The following ACSF2 variants were observed in gnomAD, a reference collection of about 807,000 sequenced individuals.
ACSF2 encodes the protein acyl-CoA synthetase family member 2.
In ACSF2, 52 loss-of-function variants were observed where a neutral mutation model predicts 79.3. The observed-to-expected ratio is 0.66, with a 90% CI of 0.53 to 0.83. ACSF2 has a LOEUF of 0.83. Among genes scored for constraint, ACSF2 ranks in the 40% least tolerant of loss-of-function variants. The pLI is 0.00. For missense variants in ACSF2, 661 were observed against 803.3 expected (o/e 0.82, Z 2.14); for synonymous variants, 283 against 312.6 (o/e 0.91, Z 1.00).
At chr17:50,452,490 A>G (rs1269775216) in intron 1 of ACSF2, among the ~76,000 whole-genome samples, 1 of 151,824 alleles carries the variant, frequency 6.6e-6, no homozygotes, top group Admixed American at 6.6e-5. Flanking sequence ...AACAAAACGA[A>G]AAAATAGAAA....
chr17:50,428,489 T>TAAATAA (rs148513290), intron 1 of ACSF2, among the ~76,000 whole-genome samples: 82,891 of 146,082 alleles, frequency 0.57, 23,474 homozygotes, highest in Middle Eastern at 0.7. Context: ...CAAAAATAAA[T>TAAATAA]AAATAAAAAT....
intron 1 of ACSF2, among the ~76,000 whole-genome samples, chr17:50,457,451 C>G (rs1354682987): frequency 6.6e-6 from 1 of 152,174 alleles, no homozygotes; most frequent in Non-Finnish European, 1.5e-5. Flanking sequence ...GACCAGTTTT[C>G]CACTCTAGAC....
chr17:50,471,332 A>G lies in ACSF2; in HGVS notation c.1323+197A>G, dbSNP rs897047428. 3.5e-6 allele frequency: 2 copies of G among 564,668 alleles called. No homozygotes were observed. The highest frequency in any genetic ancestry group is 3.8e-5 in the African/African-American group (2 of 53,102). 35.0% of individuals were successfully genotyped at this position (564,668 alleles called of 1,614,324 possible). ...TAAGCATGAAAGGGGAAGAGCTGGA[A>G]CAGTGGCTGTGAGCGGCTGCCAGCT... On this transcript the variant is annotated intron_variant, in intron 11 of 15. Coordinates refer to ENST00000300441, the MANE Select transcript of ACSF2 (RefSeq NM_025149.6). The surrounding 1 kb of genome is among the most constrained non-coding windows in gnomAD (Gnocchi z 4.1).
intron 1 of ACSF2, among the ~76,000 whole-genome samples, chr17:50,434,690 A>T (rs1254888609): frequency 2.0e-5 from 3 of 151,766 alleles, no homozygotes; most frequent in Non-Finnish European, 4.4e-5. Context: ...CGTCTCAAAA[A>T]AATAATTTTT....
intron 9 of ACSF2, 72 bp from the exon 10 acceptor site, chr17:50,464,146 T>G: frequency 1.1e-5 from 16 of 1,492,038 alleles, no homozygotes; most frequent in African/African-American, 1.4e-5. Flanking sequence ...CTCCCCTGAA[T>G]GAGCTGTAGG....
At position 50,474,776 on chromosome 17, in the gene ACSF2, A is replaced by C. The variant is rs555443517; in HGVS notation, c.*224A>C. On this transcript the variant is annotated 3_prime_UTR_variant, in exon 16 of 16. Coordinates refer to ENST00000300441, the MANE Select transcript of ACSF2 (RefSeq NM_025149.6). The surrounding 1 kb of genome is among the most constrained non-coding windows in gnomAD (Gnocchi z 4.2). ...CCTGCCCAGGCCCTCCCTCCTGTCC[A>C]TCCCCCACATTCCCCTGTCTGTCCT... is the stretch of plus-strand genomic sequence containing the variant. 8.0e-4 allele frequency: 452 copies of C among 565,236 alleles called. 8 individuals carry two copies. In the South Asian group the frequency reaches 9.4e-3, roughly 12 times the overall value. 35.0% of individuals were successfully genotyped at this position (565,236 alleles called of 1,614,324 possible).
In ACSF2 at chr17:50,461,377, A is replaced by G. The variant is rs1422440440; in HGVS notation, c.453+7A>G. 6.2e-7 allele frequency: 1 copy of G among 1,613,712 alleles called. No individual in the cohort carries two copies. The highest frequency in any genetic ancestry group is 8.5e-7 in the Non-Finnish European group (1 of 1,179,978). On this transcript the variant is annotated splice_region_variant and intron_variant, in intron 3 of 15. Coordinates refer to ENST00000300441, the MANE Select transcript of ACSF2 (RefSeq NM_025149.6). ...CCAGGCGGGCATCATTCTGGTGAGGAGGGGCTTGCTTGGCACAGCTTGGTG... is the reference window on the plus strand; with the variant it reads ...CCAGGCGGGCATCATTCTGGTGAGGGGGGGCTTGCTTGGCACAGCTTGGTG...
At chr17:50,446,264 A>G (rs560205969) in intron 1 of ACSF2, among the ~76,000 whole-genome samples, 1 of 150,930 alleles carries the variant, frequency 6.6e-6, no homozygotes, top group Non-Finnish European at 1.5e-5. Context: ...TTTTTTTTTT[A>G]AAACTTCGTG....
At chr17:50,447,072 A>G (rs943806715) in intron 1 of ACSF2, among the ~76,000 whole-genome samples, 1 of 152,194 alleles carries the variant, frequency 6.6e-6, no homozygotes, top group African/African-American at 2.4e-5. Flanking sequence ...AACCATCACT[A>G]TAGTCAATTT....
At chr17:50,428,373 G>A (rs1478476540) in intron 1 of ACSF2, among the ~76,000 whole-genome samples, 2 of 152,092 alleles carry the variant, frequency 1.3e-5, no homozygotes, top group African/African-American at 4.8e-5. Flanking sequence ...CCAGCTACTA[G>A]GGTGTCTGAG....
chr17:50,461,443 T>A (rs1598419937), intron 3 of ACSF2, 73 bp downstream of exon 3: 1 of 1,605,436 alleles, frequency 6.2e-7, no homozygotes. Context: ...CCTCAGGCCC[T>A]CAGCCCCAGG....
intron 1 of ACSF2, among the ~76,000 whole-genome samples, chr17:50,455,642 AC>A (rs2031945717): frequency 6.6e-6 from 1 of 152,142 alleles, no homozygotes; most frequent in African/African-American, 2.4e-5. Context: ...AGGGACTCCC[AC>A]ATTGAGGAAG....
chr17:50,445,832 T>C (rs977440185), intron 1 of ACSF2, among the ~76,000 whole-genome samples: 7 of 151,278 alleles, frequency 4.6e-5, no homozygotes, highest in Non-Finnish European at 7.4e-5. Context: ...ATTGTAAAGC[T>C]GCCCTCTGGA....
chr17:50,474,529 A>C lies in ACSF2; in HGVS notation c.1825A>C (p.Met609Leu). The change falls in exon 16 of 16, where the codon ATG (methionine) becomes CTG (leucine). Residue 609 changes from methionine (M) to leucine (L), a missense_variant. Transcript: ENST00000300441. This position sits in a 1 kb window ranked among gnomAD's most constrained non-coding sequence, Gnocchi z 4.2. ...KIQKFKLREQ[M>L]ERHLNL is the part of the protein sequence containing the mutation. ...CCAGAAATTCAAACTTCGAGAGCAGATGGAACGACATCTAAATCTGTGAAT... is the reference window on the plus strand; with the variant it reads ...CCAGAAATTCAAACTTCGAGAGCAGCTGGAACGACATCTAAATCTGTGAAT... 1 of 1,614,228 alleles carries C rather than the reference A, an allele frequency of 6.2e-7. No homozygotes were observed.
chr17:50,467,874 GGATGT>G lies in ACSF2; in HGVS notation c.1216-3151_1216-3147del. 3 of 631,656 alleles carry G rather than the reference GGATGT, an allele frequency of 4.7e-6. No homozygotes were observed. In the South Asian group the frequency reaches 6.7e-5, roughly 14 times the overall value. The allele number at this position is 631,656 out of a possible 1,614,324, so 39.1% of individuals were successfully genotyped here. A position where few individuals can be genotyped will look rare whatever the true frequency, so the allele number is the denominator to read the frequency against. On this transcript the variant is annotated intron_variant, in intron 10 of 15. Coordinates refer to ENST00000300441, the MANE Select transcript of ACSF2 (RefSeq NM_025149.6). The stretch of plus-strand genomic sequence containing the variant: ...TGGCAGCAGACAGGGATTAGGGTAG[GGATGT>G]GACAAGGCGAGGAAGGGAGGTGGCA...
intron 1 of ACSF2, among the ~76,000 whole-genome samples, chr17:50,449,645 A>G (rs1598406711): frequency 6.8e-6 from 1 of 146,392 alleles, no homozygotes. Flanking sequence ...CCATCTCCTG[A>G]CCTCATGATC....
intron 10 of ACSF2, among the ~76,000 whole-genome samples, chr17:50,469,407 C>A (rs549745022): frequency 6.6e-6 from 1 of 152,282 alleles, no homozygotes; most frequent in South Asian, 2.1e-4. Context: ...GCGTGAGAGC[C>A]GCCCCGGCGT....
chr17:50,449,206 AG>A (rs2031500375), intron 1 of ACSF2, among the ~76,000 whole-genome samples: 3 of 150,880 alleles, frequency 2.0e-5, no homozygotes, highest in African/African-American at 7.3e-5. Context: ...TGGTAGAGAC[AG>A]GGTTTCATCA....
chr17:50,426,339 C>A lies in ACSF2; in HGVS notation c.78C>A (p.Ala26=). Residue 26 remains alanine (A), a synonymous_variant, in exon 1 of 16, where the codon GCC becomes GCA. Coordinates refer to ENST00000300441, the MANE Select transcript of ACSF2 (RefSeq NM_025149.6). Reference sequence around the variant, plus strand: ...CGGGGGTGCTGGGGGCCCGGGCCGCCCTCTCTCGGAGTTGGCAGGAAGCCA... The same window carrying A: ...CGGGGGTGCTGGGGGCCCGGGCCGCACTCTCTCGGAGTTGGCAGGAAGCCA... The part of the protein sequence containing the change: ...GSSGVLGARA[A]LSRSWQEARL... 1 of 1,423,076 alleles carries A rather than the reference C, an allele frequency of 7.0e-7. No individual in the cohort carries two copies. The highest frequency in any genetic ancestry group is 2.7e-5 in the Admixed American group (1 of 37,336). 88.2% of individuals were successfully genotyped at this position (1,423,076 alleles called of 1,614,324 possible).
Sources: allele counts gnomAD v4.1 joint callset (sites outside exome capture counted in the v4.1 genomes callset), GRCh38; gene constraint gnomAD v4.1.1; non-coding constraint Gnocchi (gnomAD v3.1); transcripts MANE v1.5; gene names NCBI Gene and HGNC (gene_info 2026-07-23, HGNC 2026-07-21).